The following CSMD3 variants were observed in gnomAD, a reference collection of about 807,000 sequenced individuals.
The protein encoded by CSMD3 is CUB and sushi domain-containing protein 3.
CSMD3 carries 177 observed loss-of-function variants against 435.2 expected under a neutral mutation model. The ratio of observed to expected loss-of-function variants is 0.41; its 90% CI spans 0.36 to 0.46. The LOEUF (loss-of-function observed/expected upper bound fraction) is 0.46, where lower values mean the gene tolerates loss of function less well. CSMD3 is among the 20% of genes least tolerant of loss of function. The pLI is 0.34. For synonymous variants in CSMD3, 1,656 were observed against 1,520.5 expected (o/e 1.09, Z -2.07); for missense variants, 4,265 against 4,504.6 (o/e 0.95, Z 1.52).
At chr8:112,570,341 C>T (rs554368411) in intron 24 of CSMD3, among the ~76,000 whole-genome samples, 6 of 152,186 alleles carry the variant, frequency 3.9e-5, no homozygotes, top group African/African-American at 7.2e-5. Context: ...CACATATGTT[C>T]GCAAACAAGT....
At chr8:112,294,998 T>C (rs140379256) in intron 54 of CSMD3, among the ~76,000 whole-genome samples, 21 of 152,238 alleles carry the variant, frequency 1.4e-4, no homozygotes, top group African/African-American at 5.1e-4. Flanking sequence ...GGTGTACCCA[T>C]CACCTGAGGA....
chr8:113,252,147 T>A (rs1328002429), intron 3 of CSMD3, among the ~76,000 whole-genome samples: 1 of 152,122 alleles, frequency 6.6e-6, no homozygotes, highest in Non-Finnish European at 1.5e-5. Flanking sequence ...AGTCTTCTAC[T>A]ATTTATGAAT....
rs1340526591 is a variant in CSMD3, at chr8:112,628,171, CCTTA to C, written c.3715+8642_3715+8645del. 4.6e-5 allele frequency among the ~76,000 whole-genome samples: 7 copies of C among 152,174 alleles called. No homozygotes were observed. In the South Asian group the frequency reaches 1.5e-3, roughly 32 times the overall value. ...CTATTTCTATCACACACCTTTTTTA[CCTTA>C]CTTTTTTAACTCATTGAAAAAGTTT... On this transcript the variant is annotated intron_variant, in intron 22 of 70. Transcript: ENST00000297405.
chr8:113,173,914 A>G lies in CSMD3; in HGVS notation c.517T>C (p.Leu173=), dbSNP rs751339751. Residue 173 remains leucine, a splice_region_variant and synonymous_variant, in exon 4 of 71, where the codon TTG becomes CTG. Transcript: ENST00000297405. ...AHGFKVYYEE[L]QSSSCGNPGV... ...GGATTTCCACAAGAGCTACTCTGCA[A>G]TTCTATTAAAAAGGAGGAAAAGGAG... 7 of 1,611,034 alleles carry G rather than the reference A, an allele frequency of 4.3e-6. No individual in the cohort carries two copies. The highest frequency in any genetic ancestry group is 5.9e-6 in the Non-Finnish European group (7 of 1,177,402).
intron 4 of CSMD3, among the ~76,000 whole-genome samples, chr8:113,160,118 T>C (rs2092010438): frequency 6.6e-6 from 1 of 151,996 alleles, no homozygotes; most frequent in African/African-American, 2.4e-5. Flanking sequence ...CACAAATTTA[T>C]AGAAACAAGA....
intron 11 of CSMD3, among the ~76,000 whole-genome samples, chr8:112,840,299 C>A (rs2080143228): frequency 6.6e-6 from 1 of 151,720 alleles, no homozygotes; most frequent in Non-Finnish European, 1.5e-5. Context: ...GACATTTTAA[C>A]AATATTAATT....
At chr8:112,545,511 A>C (rs1166616379) in intron 27 of CSMD3, among the ~76,000 whole-genome samples, 1 of 142,224 alleles carries the variant, frequency 7.0e-6, no homozygotes, top group Non-Finnish European at 1.5e-5. Flanking sequence ...AAATAATAAT[A>C]ATAATAATAA....
intron 1 of CSMD3, among the ~76,000 whole-genome samples, chr8:113,349,249 T>C (rs1168370298): frequency 6.6e-6 from 1 of 152,058 alleles, no homozygotes; most frequent in East Asian, 1.9e-4. Context: ...AAGGGACATA[T>C]AAACCACCCC....
chr8:112,975,743 T>C (rs1177944266), intron 7 of CSMD3, 94 bp downstream of exon 7: 1 of 1,590,232 alleles, frequency 6.3e-7, no homozygotes, highest in Non-Finnish European at 8.6e-7. Context: ...TTCTATATCT[T>C]GGCTCTCTTT....
chr8:112,941,090 T>C (rs927999937), intron 9 of CSMD3, among the ~76,000 whole-genome samples: 4 of 151,692 alleles, frequency 2.6e-5, no homozygotes, highest in Non-Finnish European at 4.4e-5. Context: ...AACCAGAGAG[T>C]AACTGATTGG....
At chr8:112,348,989 A>G (rs1005483848) in intron 40 of CSMD3, among the ~76,000 whole-genome samples, 2 of 152,058 alleles carry the variant, frequency 1.3e-5, no homozygotes, top group Non-Finnish European at 2.9e-5. Context: ...AATTGGTACA[A>G]CCTTCTGGAG....
chr8:113,403,850 T>C (rs1308101710), intron 1 of CSMD3, among the ~76,000 whole-genome samples: 1 of 151,466 alleles, frequency 6.6e-6, no homozygotes, highest in East Asian at 1.9e-4. Context: ...GATACAGAGA[T>C]GTAAAATAAA....
At chr8:112,688,087 G>C (rs1318215936) in intron 14 of CSMD3, among the ~76,000 whole-genome samples, 2 of 152,240 alleles carry the variant, frequency 1.3e-5, no homozygotes, top group East Asian at 3.9e-4. Context: ...CTGGAAGGCA[G>C]CCATGCACAA....
At chr8:113,308,613 T>C (rs1479406092) in intron 2 of CSMD3, among the ~76,000 whole-genome samples, 2 of 152,200 alleles carry the variant, frequency 1.3e-5, no homozygotes, top group Admixed American at 1.3e-4. Context: ...TGTAATGAAT[T>C]ATAATTTGGT....
chr8:112,296,975 C>T (rs1820355310), intron 53 of CSMD3, among the ~76,000 whole-genome samples: 1 of 151,744 alleles, frequency 6.6e-6, no homozygotes, highest in East Asian at 1.9e-4. Context: ...TACATTTTAA[C>T]ACTTCAGAAG....
intron 1 of CSMD3, among the ~76,000 whole-genome samples, chr8:113,400,560 A>G (rs2094505236): frequency 6.6e-6 from 1 of 151,942 alleles, no homozygotes; most frequent in Admixed American, 6.6e-5. Context: ...TTCACCATAT[A>G]TATTTTCAGA....
intron 30 of CSMD3, among the ~76,000 whole-genome samples, chr8:112,500,650 TC>T (rs1324706510): frequency 6.6e-6 from 1 of 152,174 alleles, no homozygotes; most frequent in Non-Finnish European, 1.5e-5. Context: ...AGTAAGGTTT[TC>T]CTTTTAATGA....
chr8:112,698,159 G>A (rs190426152), intron 13 of CSMD3, among the ~76,000 whole-genome samples: 1 of 150,778 alleles, frequency 6.6e-6, no homozygotes, highest in African/African-American at 2.4e-5. Context: ...GAAGAAGGTT[G>A]AGAATCAGAA....
chr8:113,110,625 C>T (rs1272959360), intron 4 of CSMD3, among the ~76,000 whole-genome samples: 1 of 152,128 alleles, frequency 6.6e-6, no homozygotes, highest in Admixed American at 6.5e-5. Context: ...TTCTCTACAT[C>T]TCCCCTCTTC....
Sources: allele counts gnomAD v4.1 joint callset (sites outside exome capture counted in the v4.1 genomes callset), GRCh38; gene constraint gnomAD v4.1.1; transcripts MANE v1.5; gene names NCBI Gene and HGNC (gene_info 2026-07-23, HGNC 2026-07-21).